Variants in DUSP16 observed in about 807,000 individuals in gnomAD.
The protein encoded by DUSP16 is dual specificity phosphatase 16.
Under a neutral mutation model 58.3 loss-of-function variants are expected in DUSP16, and 21 were observed. The observed-to-expected ratio is 0.36, with a 90% CI of 0.26 to 0.52. The LOEUF is 0.52. Ranked by LOEUF, DUSP16 falls within the 20% of genes least tolerant of loss-of-function variation. The pLI, the probability that DUSP16 is intolerant of heterozygous loss-of-function variation, is 0.94. For synonymous variants in DUSP16, 320 were observed against 323.8 expected (o/e 0.99, Z 0.12); for missense variants, 726 against 819.0 (o/e 0.89, Z 1.39).
chr12:12,497,172 AAT>A (rs1195756317), intron 4 of DUSP16, among the ~76,000 whole-genome samples: 1 of 152,252 alleles, frequency 6.6e-6, no homozygotes, highest in East Asian at 1.9e-4. Context: ...TACTAGGTTA[AAT>A]ATGTTATTTT....
intron 3 of DUSP16, among the ~76,000 whole-genome samples, chr12:12,512,202 TC>T (rs1486899802): frequency 6.6e-6 from 1 of 152,128 alleles, no homozygotes; most frequent in Admixed American, 6.5e-5. Flanking sequence ...AGCACCTTTT[TC>T]CCCAGCTTTA....
rs544726154 is a variant in DUSP16 at position 12,478,602 on chromosome 12, C to T, written c.816-587G>A. ...TCTCCCACCTTGGCCTCCCAAAGTG[C>T]TGGGACTACAGGTGTGAGCCACCAT... On this transcript the variant is annotated intron_variant, in intron 6 of 6. Transcript: ENST00000298573. 2.0e-5 allele frequency among the ~76,000 whole-genome samples: 3 copies of T among 152,260 alleles called. No homozygotes were observed. The South Asian group carries it at 6.2e-4, about 32-fold the overall frequency.
intron 3 of DUSP16, among the ~76,000 whole-genome samples, chr12:12,501,898 G>A (rs1310228389): frequency 1.3e-5 from 2 of 152,148 alleles, no homozygotes; most frequent in Non-Finnish European, 1.5e-5. Flanking sequence ...GCTGAGGCAG[G>A]AGAATCGCTT....
chr12:12,509,719 T>C (rs1944048172), intron 3 of DUSP16, among the ~76,000 whole-genome samples: 1 of 152,218 alleles, frequency 6.6e-6, no homozygotes, highest in Admixed American at 6.5e-5. Flanking sequence ...GCCTGGCACA[T>C]AATTAGAATT....
chr12:12,513,075 G>C (rs1430158957), intron 3 of DUSP16, among the ~76,000 whole-genome samples: 1 of 152,258 alleles, frequency 6.6e-6, no homozygotes, highest in Non-Finnish European at 1.5e-5. Flanking sequence ...AATGTGTAGA[G>C]TCTAATACAT....
intron 3 of DUSP16, among the ~76,000 whole-genome samples, chr12:12,505,606 T>C (rs138622105): frequency 6.6e-6 from 1 of 152,266 alleles, no homozygotes; most frequent in Non-Finnish European, 1.5e-5. Flanking sequence ...TCTGCAATAA[T>C]CATAAACTGA....
intron 1 of DUSP16, among the ~76,000 whole-genome samples, chr12:12,546,917 A>C (rs1156253554): frequency 6.6e-6 from 1 of 152,206 alleles, no homozygotes; most frequent in African/African-American, 2.4e-5. Flanking sequence ...GAAACCTAAA[A>C]ATAATTTTAT....
intron 4 of DUSP16, 135 bp from the exon 5 acceptor site, chr12:12,487,322 C>A: frequency 3.1e-6 from 3 of 976,830 alleles, no homozygotes; most frequent in Non-Finnish European, 4.3e-6. Flanking sequence ...CAGTGAAGTC[C>A]AAAAACCTAG....
At chr12:12,534,942 G>T (rs187583952) in intron 1 of DUSP16, among the ~76,000 whole-genome samples, 1 of 152,300 alleles carries the variant, frequency 6.6e-6, no homozygotes, top group Admixed American at 6.5e-5. Flanking sequence ...AATACCTCAT[G>T]TTCCAGATAC....
intron 5 of DUSP16, among the ~76,000 whole-genome samples, chr12:12,482,681 A>G (rs937282783): frequency 2.0e-5 from 3 of 152,206 alleles, no homozygotes; most frequent in African/African-American, 7.2e-5. Flanking sequence ...GGTGGGAAGC[A>G]GGTGTTTGAG....
At chr12:12,553,257 G>C (rs1186567166) in intron 1 of DUSP16, among the ~76,000 whole-genome samples, 1 of 152,000 alleles carries the variant, frequency 6.6e-6, no homozygotes, top group Non-Finnish European at 1.5e-5. Flanking sequence ...TTAGTTTATA[G>C]TACCACAAAA....
chr12:12,553,570 T>C (rs1412593712), intron 1 of DUSP16, among the ~76,000 whole-genome samples: 1 of 152,234 alleles, frequency 6.6e-6, no homozygotes, highest in Non-Finnish European at 1.5e-5. Context: ...TGAAACAGGG[T>C]CTCACTCTGT....
At chr12:12,555,512 T>C (rs2136272581) in intron 1 of DUSP16, among the ~76,000 whole-genome samples, 1 of 152,300 alleles carries the variant, frequency 6.6e-6, no homozygotes, top group East Asian at 1.9e-4. Context: ...AGCATATACT[T>C]CTCTACACAT....
Position 12,476,518 on chromosome 12 carries a change from G to A in DUSP16, c.*315C>T. 1 of 226,818 alleles carries A rather than the reference G, an allele frequency of 4.4e-6. No individual in the cohort carries two copies. The highest frequency in any genetic ancestry group is 1.1e-4 in the East Asian group (1 of 8,964). 14.1% of individuals were successfully genotyped at this position (226,818 alleles called of 1,614,324 possible). On this transcript the variant is annotated 3_prime_UTR_variant, in exon 7 of 7. Transcript: ENST00000298573. The stretch of plus-strand genomic sequence containing the variant: ...CAACGTGAAAATGGTAGGGGATTTT[G>A]TCCTCCAACACCAAAGACACTTGCT...
At chr12:12,482,163 T>A (rs1206496694) in intron 5 of DUSP16, among the ~76,000 whole-genome samples, 2 of 152,186 alleles carry the variant, frequency 1.3e-5, no homozygotes, top group Non-Finnish European at 2.9e-5. Context: ...AAACCTAGAT[T>A]ATAAGGACCT....
rs1943539505 is a variant in DUSP16 at position 12,480,292 on chromosome 12, G to A, written c.746C>T (p.Ser249Phe). ...GGCGATAGCGATGGTGGCGGAGCGG[G>A]AGATCCCAGCTAAACAGTGCACTAG... ...CVLVHCLAGI[S>F]RSATIAIAYI... is the part of the protein sequence containing the mutation. Residue 249 changes from serine to phenylalanine, a missense_variant, in exon 6 of 7, where the codon TCC becomes TTC. Physicochemically the swap from Ser to Phe is radical, Grantham distance 155 (BLOSUM62 -2). Transcript: ENST00000298573. 6.2e-7 allele frequency: 1 copy of A among 1,614,176 alleles called. No individual in the cohort carries two copies.
At position 12,542,758 on chromosome 12, in the gene DUSP16, A is replaced by T. The variant is rs541555445; in HGVS notation, c.-366+19359T>A. Among the ~76,000 whole-genome samples, 8 of 152,286 alleles carry T rather than the reference A, an allele frequency of 5.3e-5. No individual in the cohort carries two copies. The South Asian group carries it at 1.7e-3, about 32-fold the overall frequency. ...TGTAAAGAAACTAAAGACACAAGTA[A>T]ATGTAGAACACGATCCTCAATTGGA... is the stretch of plus-strand genomic sequence containing the variant. On this transcript the variant is annotated intron_variant, in intron 1 of 6. Transcript: ENST00000298573.
At chr12:12,501,290 G>A (rs1024147373) in intron 3 of DUSP16, among the ~76,000 whole-genome samples, 7 of 152,172 alleles carry the variant, frequency 4.6e-5, no homozygotes, top group African/African-American at 1.4e-4. Flanking sequence ...GAGAGCTCCC[G>A]TTCATCTCAG....
intron 3 of DUSP16, among the ~76,000 whole-genome samples, chr12:12,502,472 T>G (rs997355899): frequency 1.3e-5 from 2 of 152,142 alleles, no homozygotes; most frequent in Non-Finnish European, 2.9e-5. Context: ...GCAGAATACA[T>G]GGATCCATTA....
Sources: gnomAD v4.1 joint callset for allele counts (sites outside exome capture counted in the v4.1 genomes callset) on GRCh38, gnomAD v4.1.1 for gene constraint, MANE v1.5 for transcripts, NCBI Gene and HGNC (gene_info 2026-07-23, HGNC 2026-07-21) for gene names.